PPM1H: variants seen among roughly 807,000 people sequenced by gnomAD.
PPM1H encodes protein phosphatase 1H.
A neutral mutation model predicts 54.9 loss-of-function variants in PPM1H; 27 were observed. The ratio of observed to expected loss-of-function variants is 0.49; its 90% CI spans 0.36 to 0.68. The LOEUF (loss-of-function observed/expected upper bound fraction) is 0.68. Ranked by LOEUF, PPM1H falls within the 30% of genes least tolerant of loss-of-function variation. PPM1H has a pLI of 0.00. For synonymous variants in PPM1H, 305 were observed against 270.8 expected (o/e 1.13, Z -1.24); for missense variants, 596 against 667.8 (o/e 0.89, Z 1.19).
chr12:62,737,732 T>C (rs2076358308), intron 4 of PPM1H, 146 bp from the exon 5 acceptor site: 5 of 545,970 alleles, frequency 9.2e-6, no homozygotes. Context: ...TGTTCCCAGC[T>C]CTGAATCCCT....
At chr12:62,739,789 T>C (rs902499311) in intron 4 of PPM1H, among the ~76,000 whole-genome samples, 2 of 152,210 alleles carry the variant, frequency 1.3e-5, no homozygotes, top group Non-Finnish European at 1.5e-5. Context: ...GTTCCTTGAA[T>C]TTGAGGCCCG....
intron 9 of PPM1H, among the ~76,000 whole-genome samples, chr12:62,658,056 C>CAA (rs34769800): frequency 0.03 from 3,218 of 107,256 alleles, 257 homozygotes; most frequent in African/African-American, 0.092. Context: ...ATCCAGGTTA[C>CAA]AAAAAAAAAA....
At chr12:62,746,720 G>A (rs1426315373) in intron 4 of PPM1H, among the ~76,000 whole-genome samples, 1 of 152,206 alleles carries the variant, frequency 6.6e-6, no homozygotes, top group Non-Finnish European at 1.5e-5. Context: ...GTTTCACCCT[G>A]CAGAATAAGG....
rs71450596 is a variant in PPM1H at position 62,891,104 on chromosome 12, CAAAAAAA to C, written c.245+43381_245+43387del. ...AGTCTGGGCAACAGAGCAAGACTCTCAAAAAAAAAAAAAAAAAAAAAGACTTGGCTGT... is the reference window on the plus strand; with the variant it reads ...AGTCTGGGCAACAGAGCAAGACTCTCAAAAAAAAAAAAAAGACTTGGCTGT... On this transcript the variant is annotated intron_variant, in intron 1 of 9. Coordinates refer to ENST00000228705, the MANE Select transcript of PPM1H (RefSeq NM_020700.2). Among the ~76,000 whole-genome samples, 117 of 76,106 alleles carry C rather than the reference CAAAAAAA, an allele frequency of 1.5e-3. 1 individual carries two copies. Among genetic ancestry groups the C allele is most frequent in the African/African-American group, 5.1e-3 (100 of 19,788 alleles). 49.9% of individuals were successfully genotyped at this position (76,106 alleles called of 152,430 possible).
chr12:62,893,264 C>T (rs2121088493), intron 1 of PPM1H, among the ~76,000 whole-genome samples: 1 of 152,270 alleles, frequency 6.6e-6, no homozygotes, highest in East Asian at 1.9e-4. Flanking sequence ...GTGGCTTCAA[C>T]AACATAAATT....
chr12:62,665,202 C>T (rs868324392), intron 9 of PPM1H, among the ~76,000 whole-genome samples: 1 of 152,208 alleles, frequency 6.6e-6, no homozygotes, highest in East Asian at 1.9e-4. Flanking sequence ...CATGCATCAC[C>T]ATGCCTGGCT....
chr12:62,738,994 G>A (rs1265402765), intron 4 of PPM1H, among the ~76,000 whole-genome samples: 4 of 151,796 alleles, frequency 2.6e-5, no homozygotes, highest in Non-Finnish European at 5.9e-5. Context: ...TCGGGGCGGG[G>A]GCGGCGGAGG....
chr12:62,768,351 G>A (rs2120638842), intron 4 of PPM1H, among the ~76,000 whole-genome samples: 1 of 152,230 alleles, frequency 6.6e-6, no homozygotes, highest in East Asian at 1.9e-4. Flanking sequence ...TGCTCTGAGG[G>A]ACAATCCGGG....
intron 4 of PPM1H, among the ~76,000 whole-genome samples, chr12:62,741,973 A>T (rs980700770): frequency 1.3e-5 from 2 of 151,846 alleles, no homozygotes; most frequent in African/African-American, 2.4e-5. Context: ...TGGTTTTGCA[A>T]AAAGACGGCA....
At chr12:62,655,386 A>G (rs1476938302) in intron 9 of PPM1H, among the ~76,000 whole-genome samples, 1 of 152,206 alleles carries the variant, frequency 6.6e-6, no homozygotes, top group East Asian at 1.9e-4. Flanking sequence ...CTTTCTCTGA[A>G]GGAAAAGAAC....
intron 4 of PPM1H, among the ~76,000 whole-genome samples, chr12:62,774,665 A>G (rs1565784924): frequency 6.6e-6 from 1 of 152,126 alleles, no homozygotes; most frequent in East Asian, 1.9e-4. Flanking sequence ...CTCTGTAGTT[A>G]TACTCCTTTT....
rs1292349230 is a variant in PPM1H, at chr12:62,934,828, C to A, written c.-92G>T. ...GGGGCATGCAGGCTGCGGTGGGCGCCGGGCGCACGGCGAGTCGGGCCACTG... is the reference window on the plus strand; with the variant it reads ...GGGGCATGCAGGCTGCGGTGGGCGCAGGGCGCACGGCGAGTCGGGCCACTG... On this transcript the variant is annotated 5_prime_UTR_variant, in exon 1 of 10. Coordinates refer to ENST00000228705, the MANE Select transcript of PPM1H (RefSeq NM_020700.2). The surrounding 1 kb of genome is among the most constrained non-coding windows in gnomAD (Gnocchi z 4.2). 4 of 1,217,740 alleles carry A rather than the reference C, an allele frequency of 3.3e-6. No homozygotes were observed. The highest frequency in any genetic ancestry group is 6.7e-5 in the East Asian group (2 of 29,644). 75.4% of individuals were successfully genotyped at this position (1,217,740 alleles called of 1,614,324 possible). A position where few individuals can be genotyped will look rare whatever the true frequency, so the allele number is the denominator to read the frequency against.
chr12:62,644,643 A>T lies in PPM1H; in HGVS notation c.*3846T>A, dbSNP rs2136585728. 2.0e-5 allele frequency: 3 copies of T among 152,394 alleles called. No individual in the cohort carries two copies. Among genetic ancestry groups the T allele is most frequent in the Admixed American group, 6.5e-5 (1 of 15,308 alleles). The allele number at this position is 152,394 out of a possible 1,614,324, so 9.4% of individuals were successfully genotyped here. Reference sequence around the variant, plus strand: ...AAGAGGCAAGTCAGTCTGCTCGCGTAGCGTCCTTTGAAAAATCCCAGTGTA... The same window carrying T: ...AAGAGGCAAGTCAGTCTGCTCGCGTTGCGTCCTTTGAAAAATCCCAGTGTA... On this transcript the variant is annotated 3_prime_UTR_variant, in exon 10 of 10. Transcript: ENST00000228705.
At chr12:62,909,321 C>T (rs907428181) in intron 1 of PPM1H, among the ~76,000 whole-genome samples, 5 of 152,324 alleles carry the variant, frequency 3.3e-5, no homozygotes, top group Admixed American at 2.0e-4. Flanking sequence ...CCAAAGCCAT[C>T]GTTCTAAAAC....
chr12:62,648,286 T>A lies in PPM1H; in HGVS notation c.*203A>T, dbSNP rs2075797726. 10 of 589,052 alleles carry A rather than the reference T, an allele frequency of 1.7e-5. No homozygotes were observed. In the South Asian group the frequency reaches 2.4e-4, roughly 14 times the overall value. The allele number at this position is 589,052 out of a possible 1,614,324, so 36.5% of individuals were successfully genotyped here. ...CTTGGTAGCAGCCTTTGTGTTTTGC[T>A]CTTGTTGAGTTGACCTGTTACTAAA... On this transcript the variant is annotated 3_prime_UTR_variant, in exon 10 of 10. Coordinates refer to ENST00000228705, the MANE Select transcript of PPM1H (RefSeq NM_020700.2).
intron 4 of PPM1H, among the ~76,000 whole-genome samples, chr12:62,761,687 A>T (rs975081889): frequency 3.4e-4 from 52 of 152,310 alleles, no homozygotes; most frequent in African/African-American, 1.3e-3. Flanking sequence ...GAATCTCTAT[A>T]AAAGGTAGCC....
rs1395909396 is a variant in PPM1H at position 62,833,998 on chromosome 12, T to G, written c.246-1719A>C. Reference sequence around the variant, plus strand: ...TCATCTATTTCCTCAATTTCAAATTTCTGTATCAATAAAAAGGGCTTCGCT... The same window carrying G: ...TCATCTATTTCCTCAATTTCAAATTGCTGTATCAATAAAAAGGGCTTCGCT... On this transcript the variant is annotated intron_variant, in intron 1 of 9. Transcript: ENST00000228705. Among the ~76,000 whole-genome samples the G allele has an allele frequency of 7.9e-5, 12 of 152,352 alleles. No individual in the cohort carries two copies. The East Asian group carries it at 2.3e-3, about 29-fold the overall frequency.
At position 62,934,396 on chromosome 12, in the gene PPM1H, G is replaced by T; in HGVS notation, c.245+96C>A. On this transcript the variant is annotated intron_variant, in intron 1 of 9. Transcript: ENST00000228705. This position sits in a 1 kb window ranked among gnomAD's most constrained non-coding sequence, Gnocchi z 4.2. Reference sequence around the variant, plus strand: ...GCCTGGACGCCGGCAGCTAGTGAGAGCCCTGAGGCCGAGAAGCAGGGAGAG... The same window carrying T: ...GCCTGGACGCCGGCAGCTAGTGAGATCCCTGAGGCCGAGAAGCAGGGAGAG... The T allele has an allele frequency of 7.2e-7, 1 of 1,383,692 alleles. No individual in the cohort carries two copies. Among genetic ancestry groups the T allele is most frequent in the South Asian group, 1.6e-5 (1 of 64,194 alleles). 85.7% of individuals were successfully genotyped at this position (1,383,692 alleles called of 1,614,324 possible). A position where few individuals can be genotyped will look rare whatever the true frequency, so the allele number is the denominator to read the frequency against.
At chr12:62,730,026 G>C (rs2076311662) in intron 5 of PPM1H, among the ~76,000 whole-genome samples, 2 of 151,994 alleles carry the variant, frequency 1.3e-5, no homozygotes, top group African/African-American at 4.8e-5. Flanking sequence ...GCTCATCCTG[G>C]CTCAAAAGCT....
Sources: gnomAD v4.1 joint callset for allele counts (sites outside exome capture counted in the v4.1 genomes callset) on GRCh38, gnomAD v4.1.1 for gene constraint, Gnocchi (gnomAD v3.1) non-coding constraint, MANE v1.5 for transcripts, NCBI Gene and HGNC (gene_info 2026-07-23, HGNC 2026-07-21) for gene names.